Variants in FAM53A observed in about 807,000 individuals in gnomAD.
FAM53A encodes the protein family with sequence similarity 53 member A.
Under a neutral mutation model 26.6 loss-of-function variants are expected in FAM53A, and 28 were observed. The ratio of observed to expected loss-of-function variants is 1.05; its 90% confidence interval spans 0.78 to 1.45. The LOEUF is 1.45. FAM53A is among the 40% of genes most tolerant of loss of function. The pLI is 0.00. For synonymous variants in FAM53A, 290 were observed against 253.1 expected (o/e 1.15, Z -1.38); for missense variants, 650 against 575.8 (o/e 1.13, Z -1.32).
intron 1 of FAM53A, among the ~76,000 whole-genome samples, chr4:1,633,188 G>A (rs923585266): frequency 3.3e-5 from 5 of 152,128 alleles, no homozygotes; most frequent in Non-Finnish European, 5.9e-5. Flanking sequence ...TCACACACAC[G>A]AGCGCATATC....
chr4:1,622,570 C>T (rs1003446402), intron 1 of FAM53A, among the ~76,000 whole-genome samples: 1 of 152,234 alleles, frequency 6.6e-6, no homozygotes, highest in African/African-American at 2.4e-5. Flanking sequence ...TTTTAAATGG[C>T]CTCAGACACA....
At chr4:1,607,087 C>T in the FAM53A span, among the ~76,000 whole-genome samples, 2 of 152,220 alleles carry the variant, frequency 1.3e-5, no homozygotes, top group Admixed American at 1.3e-4. Context: ...GGCCCGATCT[C>T]AGCTCACTGC....
rs561799880 is a variant in FAM53A, at chr4:1,659,479, G to T, written c.76-2011C>A. On this transcript the variant is annotated intron_variant, in intron 2 of 4. Coordinates refer to ENST00000308132, the MANE Select transcript of FAM53A (RefSeq NM_001174070.3). The surrounding 1 kb of genome is among the most constrained non-coding windows in gnomAD (Gnocchi z 5.2). Reference sequence around the variant, plus strand: ...AAGGACTTTCCCAGCCGGCACAGATGGCTCTCACGGGCAGCTTGAAGGAGC... The same window carrying T: ...AAGGACTTTCCCAGCCGGCACAGATTGCTCTCACGGGCAGCTTGAAGGAGC... 6.6e-6 allele frequency among the ~76,000 whole-genome samples: 1 copy of T among 152,202 alleles called. No individual in the cohort carries two copies. Among genetic ancestry groups the T allele is most frequent in the Non-Finnish European group, 1.5e-5 (1 of 68,040 alleles).
intron 2 of FAM53A, among the ~76,000 whole-genome samples, chr4:1,660,790 G>C (rs1004930992): frequency 6.6e-6 from 1 of 151,836 alleles, no homozygotes; most frequent in East Asian, 1.9e-4. Context: ...TCAGGAGGCC[G>C]AGGCAGGAGA....
At chr4:1,601,831 G>T in the FAM53A span, among the ~76,000 whole-genome samples, 1 of 105,540 alleles carries the variant, frequency 9.5e-6, no homozygotes, top group South Asian at 3.0e-4. Context: ...TGGGGACTAG[G>T]TGCCAAACTA....
chr4:1,576,717 C>A, the FAM53A span, among the ~76,000 whole-genome samples: 1 of 152,362 alleles, frequency 6.6e-6, no homozygotes, highest in African/African-American at 2.4e-5. Context: ...TGGGACTGTG[C>A]CCCGGCTGGG....
At chr4:1,610,176 G>A in the FAM53A span, among the ~76,000 whole-genome samples, 2 of 151,706 alleles carry the variant, frequency 1.3e-5, no homozygotes, top group Non-Finnish European at 2.9e-5. Context: ...GGGCACCCAG[G>A]ACTGGGCCCG....
At chr4:1,616,165 C>T (rs919950170), downstream of FAM53A, among the ~76,000 whole-genome samples, 4 of 152,158 alleles carry the variant, frequency 2.6e-5, no homozygotes, top group South Asian at 2.1e-4. Flanking sequence ...TGTGAGACTG[C>T]GGAGCGACAT....
chr4:1,660,659 C>G (rs577248168), intron 2 of FAM53A, among the ~76,000 whole-genome samples: 1 of 152,140 alleles, frequency 6.6e-6, no homozygotes, highest in Non-Finnish European at 1.5e-5. Context: ...GAGGCCGACA[C>G]AGGCAGGTGA....
At position 1,655,660 on chromosome 4, in the gene FAM53A, G is replaced by A. The variant is rs368575496; in HGVS notation, c.200C>T (p.Pro67Leu). The stretch of plus-strand genomic sequence containing the variant: ...CAGGCCCGGCAGGAAGGAGAAATCA[G>A]GGCCCGTGGCTGCCTGGCTTCTGAC... The part of the protein sequence containing the change: ...PPVRSQAATG[P>L]DFSFLPGLSA... Residue 67 changes from proline (P) to leucine (L), a missense_variant, in exon 4 of 5, where the codon CCT (proline) becomes CTT (leucine). By Grantham distance (98) the Pro-to-Leu change is moderately conservative. Coordinates refer to ENST00000308132, the MANE Select transcript of FAM53A (RefSeq NM_001174070.3). 34 of 1,596,298 alleles carry A rather than the reference G, an allele frequency of 2.1e-5. 1 individual carries two copies. In the East Asian group the frequency reaches 4.1e-4, roughly 19 times the overall value.
At chr4:1,664,772 G>A (rs1714103800) in intron 2 of FAM53A, among the ~76,000 whole-genome samples, 1 of 152,124 alleles carries the variant, frequency 6.6e-6, no homozygotes. Flanking sequence ...GAGGTTAGGA[G>A]TTCAAGACCA....
the FAM53A span, among the ~76,000 whole-genome samples, chr4:1,608,248 T>C: frequency 6.6e-6 from 1 of 151,998 alleles, no homozygotes; most frequent in African/African-American, 2.4e-5. Flanking sequence ...TTCTATGTGT[T>C]CCACCTGCCG....
At chr4:1,616,991 G>A (rs569158226), downstream of FAM53A, among the ~76,000 whole-genome samples, 30 of 151,522 alleles carry the variant, frequency 2.0e-4, 1 homozygote, top group African/African-American at 7.1e-4. Flanking sequence ...ACAAAAATTA[G>A]CCAGGCACGG....
rs573789334 is a variant in FAM53A, at chr4:1,656,268, G to T, written c.137-545C>A. ...GTCCAGGCCTGGAGCCCCTTCCCAA[G>T]TCTCACTTCCTGCACAACTGTCCTG... On this transcript the variant is annotated intron_variant, in intron 3 of 4. Coordinates refer to ENST00000308132, the MANE Select transcript of FAM53A (RefSeq NM_001174070.3). 2.0e-5 allele frequency among the ~76,000 whole-genome samples: 3 copies of T among 152,282 alleles called. No individual in the cohort carries two copies. The East Asian group carries it at 5.8e-4, about 29-fold the overall frequency.
downstream of FAM53A, among the ~76,000 whole-genome samples, chr4:1,615,451 C>T (rs569663495): frequency 2.9e-4 from 43 of 148,720 alleles, no homozygotes; most frequent in African/African-American, 9.6e-4. Flanking sequence ...ACCCACCCTA[C>T]GTGGGCACAC....
chr4:1,637,895 T>C (rs1348697845), downstream of FAM53A, among the ~76,000 whole-genome samples: 2 of 151,956 alleles, frequency 1.3e-5, no homozygotes, highest in Non-Finnish European at 2.9e-5. Flanking sequence ...GGCTGCACTG[T>C]GCCTCAGGCC....
the FAM53A span, among the ~76,000 whole-genome samples, chr4:1,578,379 G>A: frequency 6.6e-6 from 1 of 152,144 alleles, no homozygotes; most frequent in Admixed American, 6.5e-5. Flanking sequence ...TGCCAGGCAG[G>A]AGGGGCCGAC....
downstream of FAM53A, among the ~76,000 whole-genome samples, chr4:1,634,913 AT>A (rs1331160417): frequency 1.3e-5 from 2 of 150,994 alleles, no homozygotes; most frequent in African/African-American, 2.4e-5. Context: ...AAAAAAAAAA[AT>A]AAAAAAATAA....
At chr4:1,619,776 C>T (rs1380368073) in intron 1 of FAM53A, among the ~76,000 whole-genome samples, 1 of 152,222 alleles carries the variant, frequency 6.6e-6, no homozygotes, top group African/African-American at 2.4e-5. Flanking sequence ...TCACGGCGTC[C>T]ACACGCAAAG....
Sources: allele counts gnomAD v4.1 joint callset (sites outside exome capture counted in the v4.1 genomes callset), GRCh38; gene constraint gnomAD v4.1.1; non-coding constraint Gnocchi (gnomAD v3.1); transcripts MANE v1.5; gene names NCBI Gene and HGNC (gene_info 2026-07-23, HGNC 2026-07-21).